Variants in APLP2 observed in about 807,000 individuals in gnomAD.
APLP2 encodes the protein CDEI box-binding protein.
In APLP2, 53 loss-of-function variants were observed where a neutral mutation model predicts 89.9. The ratio of observed to expected loss-of-function variants is 0.59; its 90% CI spans 0.47 to 0.74. APLP2 has a LOEUF of 0.74. APLP2 is among the 30% of genes least tolerant of loss of function. The probability of loss-of-function intolerance (pLI) is 0.00; values close to 1 mark genes in which losing one functional copy is unlikely to be tolerated. For missense variants in APLP2, 973 were observed against 975.9 expected (o/e 1.00, Z 0.04); for synonymous variants, 372 against 348.6 (o/e 1.07, Z -0.75).
intron 3 of APLP2, among the ~76,000 whole-genome samples, chr11:130,113,174 C>T (rs577670432): frequency 6.6e-6 from 1 of 152,314 alleles, no homozygotes; most frequent in African/African-American, 2.4e-5. Context: ...TTGTCAACCT[C>T]AGCACCATGG....
chr11:130,130,118 G>T lies in APLP2; in HGVS notation c.1536G>T (p.Gln512His), dbSNP rs1478236275. ...GCTTACATACCATCCGTCATTACCA[G>T]CATGTGTTGGCTGTTGACCCAGAAA... ...KDRLHTIRHY[Q>H]HVLAVDPEKA... Residue 512 changes from glutamine to histidine, a missense_variant, in exon 11 of 17, where the codon CAG (glutamine) becomes CAT (histidine). Coordinates refer to ENST00000338167, the MANE Select transcript of APLP2 (RefSeq NM_001142276.2). The T allele has an allele frequency of 1.2e-6, 2 of 1,614,262 alleles. No individual in the cohort carries two copies. Among genetic ancestry groups the T allele is most frequent in the African/African-American group, 1.3e-5 (1 of 75,066 alleles).
intron 1 of APLP2, among the ~76,000 whole-genome samples, chr11:130,094,518 A>G (rs1424323666): frequency 6.6e-6 from 1 of 152,228 alleles, no homozygotes; most frequent in Non-Finnish European, 1.5e-5. Context: ...AAAAAAACCC[A>G]GACCTGCACA....
chr11:130,078,133 C>T (rs769321120), intron 1 of APLP2, among the ~76,000 whole-genome samples: 5 of 151,172 alleles, frequency 3.3e-5, no homozygotes, highest in Middle Eastern at 3.4e-3. Flanking sequence ...CCCATGCATT[C>T]GTCCCTAAAC....
At chr11:130,099,120 A>C (rs1946581612) in intron 1 of APLP2, among the ~76,000 whole-genome samples, 1 of 152,158 alleles carries the variant, frequency 6.6e-6, no homozygotes, top group African/African-American at 2.4e-5. Flanking sequence ...ATCTTATATT[A>C]ATTCTGAGGC....
Position 130,141,915 on chromosome 11 carries a change from G to T in APLP2, c.1999-4G>T, listed in dbSNP as rs780838768. ...CTTTTTTCCACGTCTGCTTTATTACGTAGGAATCCGTGGGCCCACTGCGGG... is the reference window on the plus strand; with the variant it reads ...CTTTTTTCCACGTCTGCTTTATTACTTAGGAATCCGTGGGCCCACTGCGGG... On this transcript the variant is annotated splice_polypyrimidine_tract_variant and splice_region_variant and intron_variant, in intron 15 of 16. Transcript: ENST00000338167. This position sits in a 1 kb window ranked among gnomAD's most constrained non-coding sequence, Gnocchi z 4.2. The T allele has an allele frequency of 3.8e-6, 6 of 1,597,268 alleles. No individual in the cohort carries two copies. Among genetic ancestry groups the T allele is most frequent in the African/African-American group, 1.3e-5 (1 of 74,688 alleles).
chr11:130,075,205 A>G (rs1941895559), intron 1 of APLP2, among the ~76,000 whole-genome samples: 1 of 152,210 alleles, frequency 6.6e-6, no homozygotes, highest in Admixed American at 6.5e-5. Flanking sequence ...GCTGGAGTGC[A>G]GTGGCGCAGC....
intron 1 of APLP2, among the ~76,000 whole-genome samples, chr11:130,094,241 C>A (rs747015451): frequency 6.6e-6 from 1 of 151,538 alleles, no homozygotes; most frequent in Admixed American, 6.6e-5. Context: ...TTAGTAGAGA[C>A]GGGGTTTCTC....
At position 130,089,303 on chromosome 11, in the gene APLP2, C is replaced by G. The variant is rs1380648808; in HGVS notation, c.105+19221C>G. Among the ~76,000 whole-genome samples, 3 of 152,194 alleles carry G rather than the reference C, an allele frequency of 2.0e-5. No individual in the cohort carries two copies. In the East Asian group the frequency reaches 5.8e-4, roughly 29 times the overall value. ...TTCCTGATCACACCCTCCTACCTTC[C>G]AAAGTATGCATAGCAGGGTCATGCA... On this transcript the variant is annotated intron_variant, in intron 1 of 16. Transcript: ENST00000338167.
chr11:130,089,596 G>T (rs1404211151), intron 1 of APLP2, among the ~76,000 whole-genome samples: 1 of 152,222 alleles, frequency 6.6e-6, no homozygotes, highest in African/African-American at 2.4e-5. Context: ...TGTTTACCCA[G>T]TGTGTTTGTT....
chr11:130,104,330 T>C (rs776694601), intron 1 of APLP2, among the ~76,000 whole-genome samples: 3 of 150,508 alleles, frequency 2.0e-5, no homozygotes, highest in Non-Finnish European at 2.9e-5. Context: ...GCGATTCTAG[T>C]GTCTCAGCCT....
chr11:130,087,311 T>C (rs917750495), intron 1 of APLP2, among the ~76,000 whole-genome samples: 4 of 152,240 alleles, frequency 2.6e-5, no homozygotes, highest in African/African-American at 9.6e-5. Flanking sequence ...TATTTGGCTG[T>C]TACCATTTGA....
chr11:130,070,941 G>GGGCGGGGGC (rs1475996799), intron 1 of APLP2, among the ~76,000 whole-genome samples: 11 of 152,154 alleles, frequency 7.2e-5, no homozygotes, highest in Non-Finnish European at 1.3e-4. Flanking sequence ...CCGCGGGAGG[G>GGGCGGGGGC]GGCGGGGGCG....
intron 1 of APLP2, among the ~76,000 whole-genome samples, chr11:130,090,676 C>CA (rs1944836199): frequency 6.6e-6 from 1 of 152,178 alleles, no homozygotes; most frequent in Non-Finnish European, 1.5e-5. Flanking sequence ...TCTACACAGA[C>CA]ACGGCAACCA....
At chr11:130,132,979 C>CTTTT (rs60338624) in intron 11 of APLP2, among the ~76,000 whole-genome samples, 155 of 141,260 alleles carry the variant, frequency 1.1e-3, no homozygotes, top group Non-Finnish European at 2.0e-3. Context: ...AATTAGAGTT[C>CTTTT]TTTTTTTTTT....
At chr11:130,140,594 C>T in intron 14 of APLP2, 111 bp downstream of exon 14, 2 of 840,806 alleles carry the variant, frequency 2.4e-6, no homozygotes, top group Non-Finnish European at 1.8e-6. Flanking sequence ...GTTTTCCGCA[C>T]AGTAGAAGGT....
intron 1 of APLP2, among the ~76,000 whole-genome samples, chr11:130,085,996 T>G (rs1944052227): frequency 6.6e-6 from 1 of 152,366 alleles, no homozygotes; most frequent in South Asian, 2.1e-4. Context: ...AATGCTGCTA[T>G]GAAAATTGGC....
At position 130,120,769 on chromosome 11, in the gene APLP2, G is replaced by T; in HGVS notation, c.467G>T (p.Arg156Leu). Residue 156 changes from arginine (R) to leucine (L), a missense_variant, in exon 4 of 17, where the codon CGG becomes CTG. Transcript: ENST00000338167. The stretch of plus-strand genomic sequence containing the variant: ...AAGTGCCAGTTTTTCCACAAAGAGC[G>T]GATGGAGGTGTGTGAGAATCACCAG... ...PEKCQFFHKE[R>L]MEVCENHQHW... The T allele has an allele frequency of 6.2e-7, 1 of 1,613,954 alleles. No individual in the cohort carries two copies. Among genetic ancestry groups the T allele is most frequent in the Non-Finnish European group, 8.5e-7 (1 of 1,179,886 alleles).
At chr11:130,142,982 G>GA (rs1952605062) in intron 16 of APLP2, among the ~76,000 whole-genome samples, 1 of 152,274 alleles carries the variant, frequency 6.6e-6, no homozygotes, top group Admixed American at 6.5e-5. Flanking sequence ...AAAGACCAGA[G>GA]ATCCCCTGGT....
chr11:130,078,785 C>T (rs1317091426), intron 1 of APLP2, among the ~76,000 whole-genome samples: 2 of 152,036 alleles, frequency 1.3e-5, no homozygotes, highest in Non-Finnish European at 2.9e-5. Context: ...TGAATCTGTT[C>T]CTGGGTTCTC....
Sources: allele counts gnomAD v4.1 joint callset (sites outside exome capture counted in the v4.1 genomes callset), GRCh38; gene constraint gnomAD v4.1.1; non-coding constraint Gnocchi (gnomAD v3.1); transcripts MANE v1.5; gene names NCBI Gene and HGNC (gene_info 2026-07-23, HGNC 2026-07-21).